Variants in AGMO observed in about 807,000 individuals in gnomAD.
AGMO encodes alkylglycerol monooxygenase, also known as glyceryl-ether monooxygenase.
AGMO carries 75 observed loss-of-function variants against 60.2 expected under a neutral mutation model. The ratio of observed to expected loss-of-function variants is 1.25; its 90% CI spans 1.03 to 1.51. The LOEUF (loss-of-function observed/expected upper bound fraction) is 1.51. AGMO is among the 40% of genes most tolerant of loss of function. The pLI is 0.00. For missense variants in AGMO, 763 were observed against 525.5 expected (o/e 1.45, Z -4.42); for synonymous variants, 261 against 177.1 (o/e 1.47, Z -3.76).
intron 12 of AGMO, among the ~76,000 whole-genome samples, chr7:15,320,580 G>A (rs1583403456): frequency 6.6e-6 from 1 of 152,048 alleles, no homozygotes; most frequent in Admixed American, 6.6e-5. Flanking sequence ...TAATAAAAAG[G>A]AGTATTAAAT....
chr7:15,319,891 A>G (rs115250567), intron 12 of AGMO, among the ~76,000 whole-genome samples: 2,277 of 152,264 alleles, frequency 0.015, 40 homozygotes, highest in African/African-American at 0.051. Flanking sequence ...TTGGAAAAGG[A>G]TTATCTAGAT....
At chr7:15,256,850 C>T (rs563826264) in intron 12 of AGMO, among the ~76,000 whole-genome samples, 1 of 152,158 alleles carries the variant, frequency 6.6e-6, no homozygotes, top group African/African-American at 2.4e-5. Flanking sequence ...TGTTCACCAA[C>T]AATTCTAAGA....
chr7:15,272,488 C>G (rs1051821671), intron 12 of AGMO, among the ~76,000 whole-genome samples: 36 of 152,074 alleles, frequency 2.4e-4, no homozygotes, highest in African/African-American at 8.7e-4. Flanking sequence ...CATAGTATTC[C>G]ATGGTGTATA....
At chr7:15,336,374 G>C (rs1583422111) in intron 12 of AGMO, among the ~76,000 whole-genome samples, 1 of 151,714 alleles carries the variant, frequency 6.6e-6, no homozygotes, top group South Asian at 2.1e-4. Flanking sequence ...CTTTAAATTT[G>C]GTGAACACTG....
chr7:15,544,970 AAAAATTACGCT>A, intron 2 of AGMO, 47 bp from the exon 3 acceptor site: 1 of 1,321,638 alleles, frequency 7.6e-7, no homozygotes, highest in Non-Finnish European at 1.0e-6. Flanking sequence ...ATTTTAGAAA[AAAAATTACGCT>A]AAAATGTTTT....
At chr7:15,558,034 T>A (rs1785197136) in intron 2 of AGMO, among the ~76,000 whole-genome samples, 1 of 151,858 alleles carries the variant, frequency 6.6e-6, no homozygotes, top group Non-Finnish European at 1.5e-5. Flanking sequence ...CTTTCCCCTT[T>A]CTCTCTGCTT....
At chr7:15,333,965 G>A (rs1045028387) in intron 12 of AGMO, among the ~76,000 whole-genome samples, 2 of 151,936 alleles carry the variant, frequency 1.3e-5, no homozygotes, top group Admixed American at 1.3e-4. Context: ...AGTTACCATA[G>A]AATACAAGTA....
intron 3 of AGMO, among the ~76,000 whole-genome samples, chr7:15,457,820 G>A (rs565379941): frequency 2.0e-5 from 3 of 152,042 alleles, no homozygotes; most frequent in South Asian, 4.1e-4. Context: ...CTTTAACCAA[G>A]TTCTATAGTT....
chr7:15,439,076 A>C (rs1323296404), intron 3 of AGMO, among the ~76,000 whole-genome samples: 2 of 152,130 alleles, frequency 1.3e-5, no homozygotes, highest in Admixed American at 1.3e-4. Context: ...ACCTTCCAAA[A>C]TTACTGCTTC....
chr7:15,175,384 G>T, the AGMO span, among the ~76,000 whole-genome samples: 1 of 151,934 alleles, frequency 6.6e-6, no homozygotes, highest in Non-Finnish European at 1.5e-5. Context: ...TGACAAAGAA[G>T]AGTAGTTTTA....
At position 15,544,874 on chromosome 7, in the gene AGMO, T is replaced by A. The variant is rs1314893558; in HGVS notation, c.307A>T (p.Asn103Tyr). ...ELTSYIYIWE[N>Y]YRLFNLPWDS... ...CAAGGCAAATTGAACAGCCTGTAGTTCTCCCAGATATAAATATAACTGGTC... is the reference window on the plus strand; with the variant it reads ...CAAGGCAAATTGAACAGCCTGTAGTACTCCCAGATATAAATATAACTGGTC... The change falls in exon 3 of 13, where the codon AAC becomes TAC. Residue 103 changes from asparagine (N) to tyrosine (Y), a missense_variant. Coordinates refer to ENST00000342526, the MANE Select transcript of AGMO (RefSeq NM_001004320.2). The A allele has an allele frequency of 1.3e-6, 2 of 1,599,182 alleles. No individual in the cohort carries two copies. Among genetic ancestry groups the A allele is most frequent in the Non-Finnish European group, 1.7e-6 (2 of 1,171,922 alleles).
chr7:15,376,025 AAAT>A (rs1323954596), intron 10 of AGMO, among the ~76,000 whole-genome samples: 1 of 152,144 alleles, frequency 6.6e-6, no homozygotes, highest in African/African-American at 2.4e-5. Context: ...AGTGGACAAA[AAAT>A]AATGTATTTA....
rs549225733 is a variant in AGMO at position 15,547,758 on chromosome 7, C to T, written c.258-2835G>A. On this transcript the variant is annotated intron_variant, in intron 2 of 12. Coordinates refer to ENST00000342526, the MANE Select transcript of AGMO (RefSeq NM_001004320.2). The stretch of plus-strand genomic sequence containing the variant: ...TGGGGGAGGGGCGCCCGCCATTGCC[C>T]GGGCTTGATTAGGTAAACAAAGCAG... 1.8e-4 allele frequency among the ~76,000 whole-genome samples: 27 copies of T among 152,078 alleles called. No individual in the cohort carries two copies. The East Asian group carries it at 3.9e-3, about 22-fold the overall frequency.
At chr7:15,513,830 C>T (rs936606087) in intron 3 of AGMO, among the ~76,000 whole-genome samples, 2 of 152,154 alleles carry the variant, frequency 1.3e-5, no homozygotes, top group Non-Finnish European at 2.9e-5. Flanking sequence ...AGATCATTAT[C>T]TTCTCCTTGA....
intron 9 of AGMO, 119 bp downstream of exon 9, chr7:15,387,287 T>A: frequency 6.6e-6 from 8 of 1,210,776 alleles, no homozygotes; most frequent in Non-Finnish European, 9.3e-6. Flanking sequence ...CAGGACTGCA[T>A]CTGACTGGGG....
At chr7:15,526,167 C>A (rs1469580098) in intron 3 of AGMO, among the ~76,000 whole-genome samples, 1 of 152,130 alleles carries the variant, frequency 6.6e-6, no homozygotes, top group Non-Finnish European at 1.5e-5. Flanking sequence ...GCAGCGAACC[C>A]GGGTGGGAGC....
chr7:15,507,744 A>G (rs1030853861), intron 3 of AGMO, among the ~76,000 whole-genome samples: 12 of 152,138 alleles, frequency 7.9e-5, no homozygotes, highest in African/African-American at 1.2e-4. Context: ...ACATTTTTAC[A>G]GATCAGTCAA....
chr7:15,171,216 C>T, the AGMO span, among the ~76,000 whole-genome samples: 55 of 152,210 alleles, frequency 3.6e-4, no homozygotes, highest in Admixed American at 3.5e-3. Flanking sequence ...CTCCTGACCT[C>T]GTGATCCACC....
intron 3 of AGMO, among the ~76,000 whole-genome samples, chr7:15,441,834 A>G (rs1357672309): frequency 6.6e-6 from 1 of 152,184 alleles, no homozygotes; most frequent in Non-Finnish European, 1.5e-5. Flanking sequence ...AGAAAAAAAG[A>G]GCACTGAAAT....
Sources: gnomAD v4.1 joint callset for allele counts (sites outside exome capture counted in the v4.1 genomes callset) on GRCh38, gnomAD v4.1.1 for gene constraint, MANE v1.5 for transcripts, NCBI Gene and HGNC (gene_info 2026-07-23, HGNC 2026-07-21) for gene names.